Variants in STON2 observed in about 807,000 individuals in gnomAD.
STON2 encodes the protein stonin-2.
In STON2, 29 loss-of-function variants were observed where a neutral mutation model predicts 65.7. The observed-to-expected ratio is 0.44, with a 90% CI of 0.33 to 0.60. The LOEUF (loss-of-function observed/expected upper bound fraction) is 0.60, where lower values mean the gene tolerates loss of function less well. Among genes scored for constraint, STON2 ranks in the 20% least tolerant of loss-of-function variants. STON2 has a pLI of 0.03. For missense variants in STON2, 1,054 were observed against 1,118.1 expected (o/e 0.94, Z 0.82); for synonymous variants, 404 against 414.2 (o/e 0.98, Z 0.30).
At chr14:81,422,731 C>T (rs148157828) in intron 2 of STON2, among the ~76,000 whole-genome samples, 1 of 152,088 alleles carries the variant, frequency 6.6e-6, no homozygotes, top group African/African-American at 2.4e-5. Context: ...TGTGGGTCCA[C>T]CTAGTATTTC....
intron 5 of STON2, among the ~76,000 whole-genome samples, chr14:81,303,711 C>A (rs972154591): frequency 6.6e-6 from 1 of 152,116 alleles, no homozygotes; most frequent in Admixed American, 6.5e-5. Flanking sequence ...CTTCATTAAC[C>A]CTATGACAAC....
chr14:81,276,954 T>C lies in STON2; in HGVS notation c.2528A>G (p.His843Arg), dbSNP rs1436506317. 1.5e-5 allele frequency: 25 copies of C among 1,614,250 alleles called. No homozygotes were observed. Among genetic ancestry groups the C allele is most frequent in the Non-Finnish European group, 2.0e-5 (24 of 1,180,038 alleles). The change falls in exon 6 of 8, where the codon CAT becomes CGT. Residue 843 changes from histidine to arginine, a missense_variant. Transcript: ENST00000614646. ...CCTCCACACAATGGAGTTGAAGGCA[T>C]GCTCGTACTTGGCAGTTCCCAGAGT... ...RVTLGTAKYE[H>R]AFNSIVWRIN...
intron 5 of STON2, among the ~76,000 whole-genome samples, chr14:81,315,368 T>C (rs1218210063): frequency 3.3e-5 from 5 of 152,212 alleles, no homozygotes; most frequent in African/African-American, 4.8e-5. Flanking sequence ...ACAAGATCTC[T>C]CTCTGCCTTT....
intron 4 of STON2, among the ~76,000 whole-genome samples, chr14:81,354,143 A>C (rs1410154091): frequency 6.6e-6 from 1 of 152,198 alleles, no homozygotes; most frequent in East Asian, 1.9e-4. Flanking sequence ...TGGCCAGGGA[A>C]TGCACCCTGT....
chr14:81,261,552 A>G lies in STON2; in HGVS notation c.*6862T>C, dbSNP rs1195902620. On this transcript the variant is annotated 3_prime_UTR_variant, in exon 8 of 8. Transcript: ENST00000614646. Reference sequence around the variant, plus strand: ...AAGAGACAACGAGGATACAGAGGGGACTGTCCCTTTTCTCTCATCTGGTTT... The same window carrying G: ...AAGAGACAACGAGGATACAGAGGGGGCTGTCCCTTTTCTCTCATCTGGTTT... The G allele has an allele frequency of 2.6e-6, 1 of 381,932 alleles. No homozygotes were observed. The highest frequency in any genetic ancestry group is 4.5e-6 in the Non-Finnish European group (1 of 219,888). The allele number at this position is 381,932 out of a possible 1,614,324, so 23.7% of individuals were successfully genotyped here.
chr14:81,315,508 T>C (rs960095103), intron 5 of STON2, among the ~76,000 whole-genome samples: 1 of 58,460 alleles, frequency 1.7e-5, no homozygotes, highest in African/African-American at 6.7e-5. Flanking sequence ...ATTTCCAACG[T>C]AGGCAGGTGA....
chr14:81,277,227 C>T lies in STON2; in HGVS notation c.2255G>A (p.Ser752Asn). 1.2e-6 allele frequency: 2 copies of T among 1,614,228 alleles called. No individual in the cohort carries two copies. The highest frequency in any genetic ancestry group is 1.7e-6 in the Non-Finnish European group (2 of 1,180,042). ...CACCTCCACCTCTGCCCCATTGACA[C>T]TTGTGGCCGTCCTGAGTGTGAAAGG... Reference protein sequence around the residue: ...TLPFTLRTATSVNGAEVEVQS... With the variant: ...TLPFTLRTATNVNGAEVEVQS... The change falls in exon 6 of 8, where the codon AGT (serine) becomes AAT (asparagine). Residue 752 changes from serine (S) to asparagine (N), a missense_variant. Physicochemically the swap from Ser to Asn is conservative, Grantham distance 46. Transcript: ENST00000614646.
intron 1 of STON2, among the ~76,000 whole-genome samples, chr14:81,431,650 T>C (rs1261955896): frequency 1.3e-5 from 2 of 152,116 alleles, no homozygotes; most frequent in East Asian, 3.9e-4. Context: ...TAGTGGCGCA[T>C]TCCTGTAATC....
intron 4 of STON2, 110 bp downstream of exon 4, chr14:81,370,878 C>T: frequency 1.0e-6 from 1 of 986,590 alleles, no homozygotes; most frequent in Non-Finnish European, 1.5e-6. Flanking sequence ...AACACCTGAA[C>T]TCATTCTGCA....
At chr14:81,379,162 T>C (rs1301460835) in intron 3 of STON2, among the ~76,000 whole-genome samples, 2 of 152,250 alleles carry the variant, frequency 1.3e-5, no homozygotes, top group African/African-American at 2.4e-5. Context: ...ATTAATAATG[T>C]TAGCAAGGTA....
At chr14:81,336,089 T>G (rs990364286) in intron 4 of STON2, among the ~76,000 whole-genome samples, 2 of 152,102 alleles carry the variant, frequency 1.3e-5, no homozygotes, top group African/African-American at 2.4e-5. Flanking sequence ...AAAACTGCCC[T>G]TGAGGTTGAG....
intron 4 of STON2, among the ~76,000 whole-genome samples, chr14:81,359,038 G>C (rs895757665): frequency 6.6e-6 from 1 of 152,100 alleles, no homozygotes; most frequent in African/African-American, 2.4e-5. Context: ...AGACCAAATG[G>C]ACCTAGCAAA....
intron 4 of STON2, among the ~76,000 whole-genome samples, chr14:81,366,657 C>T (rs948476694): frequency 3.3e-5 from 5 of 152,026 alleles, no homozygotes; most frequent in African/African-American, 9.7e-5. Flanking sequence ...ACCGAACTCC[C>T]CACTGCATCT....
chr14:81,413,843 AG>A, intron 2 of STON2, among the ~76,000 whole-genome samples: 1 of 140,420 alleles, frequency 7.1e-6, no homozygotes, highest in South Asian at 2.4e-4. Flanking sequence ...GCACATGTGA[AG>A]AAAACAAAGC....
At chr14:81,279,562 G>T (rs1443010938) in intron 5 of STON2, among the ~76,000 whole-genome samples, 2 of 152,102 alleles carry the variant, frequency 1.3e-5, no homozygotes, top group African/African-American at 4.8e-5. Flanking sequence ...GTAGTGGCAG[G>T]CACCTGTTAT....
chr14:81,301,274 A>C (rs1235035873), intron 5 of STON2, among the ~76,000 whole-genome samples: 1 of 152,242 alleles, frequency 6.6e-6, no homozygotes, highest in East Asian at 1.9e-4. Context: ...CGAAAAACAT[A>C]ATGTCAGCCA....
intron 3 of STON2, among the ~76,000 whole-genome samples, chr14:81,378,464 C>T (rs1038198940): frequency 6.6e-6 from 1 of 152,140 alleles, no homozygotes; most frequent in East Asian, 1.9e-4. Flanking sequence ...GATCCACCTG[C>T]CTTGGCCTCC....
intron 5 of STON2, among the ~76,000 whole-genome samples, chr14:81,290,574 AG>A (rs1895517274): frequency 6.6e-6 from 1 of 152,128 alleles, no homozygotes; most frequent in African/African-American, 2.4e-5. Context: ...GTTGGGGGTA[AG>A]GGTGCATACA....
exon 1 of STON2, chr14:81,436,438 C>G (rs1180968796): frequency 6.6e-6 from 1 of 151,716 alleles, no homozygotes; most frequent in Non-Finnish European, 1.5e-5. Context: ...TCCCTCCCGG[C>G]CGCAGCGCCG....
Sources: gnomAD v4.1 joint callset for allele counts (sites outside exome capture counted in the v4.1 genomes callset) on GRCh38, gnomAD v4.1.1 for gene constraint, MANE v1.5 for transcripts, NCBI Gene and HGNC (gene_info 2026-07-23, HGNC 2026-07-21) for gene names.